IFI27L1: variants seen among roughly 807,000 people sequenced by gnomAD.
IFI27L1 encodes the protein interferon alpha-inducible protein 27-like protein 1.
Under a neutral mutation model 9.2 loss-of-function variants are expected in IFI27L1, and 3 were observed. The observed-to-expected ratio is 0.32, with a 90% CI of 0.15 to 0.84. IFI27L1 has a LOEUF of 0.84. Among genes scored for constraint, IFI27L1 ranks in the 40% least tolerant of loss-of-function variants. IFI27L1 has a pLI of 0.56. For missense variants in IFI27L1, 133 were observed against 134.2 expected (o/e 0.99, Z 0.05); for synonymous variants, 53 against 50.0 (o/e 1.06, Z -0.26).
At chr14:94,084,032 T>C (rs992704685) in intron 1 of IFI27L1, among the ~76,000 whole-genome samples, 1 of 152,192 alleles carries the variant, frequency 6.6e-6, no homozygotes, top group Non-Finnish European at 1.5e-5. Flanking sequence ...GTTTCCATTA[T>C]AGTAGTGGAA....
intron 1 of IFI27L1, chr14:94,088,943 C>G (rs1793450213): frequency 6.6e-6 from 1 of 152,128 alleles, no homozygotes. Context: ...CAGTATGTCA[C>G]TTGTCTCTTA....
At chr14:94,087,033 A>AGGATGTAAAGGAAGACAAAG (rs1886303725) in intron 1 of IFI27L1, among the ~76,000 whole-genome samples, 3 of 152,338 alleles carry the variant, frequency 2.0e-5, no homozygotes, top group African/African-American at 7.2e-5. Flanking sequence ...TACATATTCA[A>AGGATGTAAAGGAAGACAAAG]GGATGTAAAG....
chr14:94,096,423 C>T (rs1886666250), intron 1 of IFI27L1, among the ~76,000 whole-genome samples: 1 of 152,190 alleles, frequency 6.6e-6, no homozygotes, highest in South Asian at 2.1e-4. Context: ...CAGCCGGGTG[C>T]AGTGGCTCAC....
In IFI27L1 at chr14:94,101,883, C is replaced by T; in HGVS notation, c.131C>T (p.Ser44Phe). The change falls in exon 4 of 5, where the codon TCC (serine) becomes TTC (phenylalanine). Residue 44 changes from serine to phenylalanine, a missense_variant. Ser to Phe is a radical substitution (Grantham distance 155). Transcript: ENST00000555523. The part of the protein sequence containing the change: ...MGFTSVGIAA[S>F]SIAAKMMSTA... ...TTCACCTCAGTAGGAATCGCCGCAT[C>T]CTCCATAGCAGCCAAGATGATGTCT... is the stretch of plus-strand genomic sequence containing the variant. The T allele has an allele frequency of 6.2e-7, 1 of 1,614,246 alleles. No individual in the cohort carries two copies. The highest frequency in any genetic ancestry group is 8.5e-7 in the Non-Finnish European group (1 of 1,180,040).
At chr14:94,097,792 AG>A (rs1886728959) in intron 2 of IFI27L1, 1 of 661,906 alleles carries the variant, frequency 1.5e-6, no homozygotes, top group African/African-American at 1.8e-5. Context: ...CCCTTTACAG[AG>A]GCTGGGCAGC....
chr14:94,088,286 C>T (rs1318284817), intron 1 of IFI27L1: 1 of 702,348 alleles, frequency 1.4e-6, no homozygotes, highest in Admixed American at 2.0e-5. Flanking sequence ...TCTTACGTTA[C>T]TATGCGAGAT....
rs2139278085 is a variant in IFI27L1 at position 94,102,671 on chromosome 14, T to C, written c.*103T>C. 1.7e-6 allele frequency: 1 copy of C among 593,478 alleles called. No homozygotes were observed. Among genetic ancestry groups the C allele is most frequent in the Non-Finnish European group, 2.9e-6 (1 of 350,402 alleles). 36.8% of individuals were successfully genotyped at this position (593,478 alleles called of 1,614,324 possible). A position where few individuals can be genotyped will look rare whatever the true frequency, so the allele number is the denominator to read the frequency against. On this transcript the variant is annotated 3_prime_UTR_variant, in exon 5 of 5. Coordinates refer to ENST00000555523, the MANE Select transcript of IFI27L1 (RefSeq NM_206949.3). Reference sequence around the variant, plus strand: ...GACAAGTCTCCTACTCCCAAAACTATTTAAGGAAGCATGAAAAATAAAGAT... The same window carrying C: ...GACAAGTCTCCTACTCCCAAAACTACTTAAGGAAGCATGAAAAATAAAGAT...
In IFI27L1 at chr14:94,093,215, G is replaced by C. The variant is rs1030222267; in HGVS notation, c.-51-3672G>C. Reference sequence around the variant, plus strand: ...GGAGTCTTGCTCTGTCACCCAGGCTGGAGTGCAGTGGCATCATCTCAGCTC... The same window carrying C: ...GGAGTCTTGCTCTGTCACCCAGGCTCGAGTGCAGTGGCATCATCTCAGCTC... On this transcript the variant is annotated intron_variant, in intron 1 of 4. Coordinates refer to ENST00000555523, the MANE Select transcript of IFI27L1 (RefSeq NM_206949.3). Among the ~76,000 whole-genome samples, 29 of 134,374 alleles carry C rather than the reference G, an allele frequency of 2.2e-4. No homozygotes were observed. In the Admixed American group the frequency reaches 2.3e-3, roughly 11 times the overall value. The allele number at this position is 134,374 out of a possible 152,430, so 88.2% of individuals were successfully genotyped here. A position where few individuals can be genotyped will look rare whatever the true frequency, so the allele number is the denominator to read the frequency against.
At position 94,096,944 on chromosome 14, in the gene IFI27L1, AAGG is replaced by A; in HGVS notation, c.10_12del (p.Glu4del). 1.9e-6 allele frequency: 3 copies of A among 1,613,720 alleles called. No homozygotes were observed. The highest frequency in any genetic ancestry group is 2.5e-6 in the Non-Finnish European group (3 of 1,179,766). On this transcript the variant is annotated inframe_deletion, in exon 2 of 5. Coordinates refer to ENST00000555523, the MANE Select transcript of IFI27L1 (RefSeq NM_206949.3). ...CGAGGCGAAGGGGCCAACCATGGGAAAGGAGAGTGGATGGGACTCAGGTGGGTA... is the reference window on the plus strand; with the variant it reads ...CGAGGCGAAGGGGCCAACCATGGGAAAGAGTGGATGGGACTCAGGTGGGTA...
chr14:94,087,738 T>C, intron 1 of IFI27L1, among the ~76,000 whole-genome samples: 1 of 152,210 alleles, frequency 6.6e-6, no homozygotes, highest in African/African-American at 2.4e-5. Context: ...TTGTCGTTTT[T>C]TTTTTTAACA....
At chr14:94,100,486 A>G (rs1230013534) in intron 2 of IFI27L1, 2 of 985,236 alleles carry the variant, frequency 2.0e-6, no homozygotes, top group African/African-American at 1.7e-5. Context: ...CAGGGGGCCC[A>G]GCCACAAGGC....
At chr14:94,081,508 C>A (rs368971123) in intron 1 of IFI27L1, 59 bp downstream of exon 1, 16 of 152,818 alleles carry the variant, frequency 1.0e-4, no homozygotes, top group African/African-American at 3.6e-4. Flanking sequence ...TCGATCCAGA[C>A]CCCAAGAGAG....
intron 2 of IFI27L1, among the ~76,000 whole-genome samples, chr14:94,098,966 G>A (rs1045430910): frequency 2.6e-5 from 4 of 152,212 alleles, no homozygotes; most frequent in African/African-American, 4.8e-5. Flanking sequence ...GTGCCATTCT[G>A]CCTTTCCCTG....
At chr14:94,097,656 G>T (rs754458004) in intron 2 of IFI27L1, 1 of 702,284 alleles carries the variant, frequency 1.4e-6, no homozygotes, top group Non-Finnish European at 2.6e-6. Flanking sequence ...TATGAGGGAT[G>T]GTCAGACTGG....
intron 1 of IFI27L1, among the ~76,000 whole-genome samples, chr14:94,092,083 A>G (rs1164971586): frequency 6.6e-6 from 1 of 151,664 alleles, no homozygotes; most frequent in Non-Finnish European, 1.5e-5. Context: ...CCGAGATTGC[A>G]CCACTGCACT....
At chr14:94,094,408 C>G (rs371132481) in intron 1 of IFI27L1, among the ~76,000 whole-genome samples, 1 of 152,098 alleles carries the variant, frequency 6.6e-6, no homozygotes, top group Non-Finnish European at 1.5e-5. Flanking sequence ...GTTGCTGCAA[C>G]GGGTGGGTCT....
chr14:94,101,725 C>A, intron 3 of IFI27L1, 89 bp from the exon 4 acceptor site: 2 of 1,370,638 alleles, frequency 1.5e-6, no homozygotes, highest in Admixed American at 1.7e-5. Context: ...GCACAGCAGA[C>A]CCCTCCTCCT....
rs370886948 is a variant in IFI27L1 at position 94,101,837 on chromosome 14, G to A, written c.85G>A (p.Val29Met). The A allele has an allele frequency of 4.3e-6, 7 of 1,614,122 alleles. No homozygotes were observed. In the African/African-American group the frequency reaches 6.7e-5, roughly 15 times the overall value. Reference sequence around the variant, plus strand: ...AGTTGTGGCTGTGGGGACTGTGCTCGTGGCGCTCAGTGCCATGGGCTTCAC... The same window carrying A: ...AGTTGTGGCTGTGGGGACTGTGCTCATGGCGCTCAGTGCCATGGGCTTCAC... ...GGVVAVGTVLVALSAMGFTSV... is the reference protein window; with the variant it reads ...GGVVAVGTVLMALSAMGFTSV... The change falls in exon 4 of 5, where the codon GTG becomes ATG. Residue 29 changes from valine to methionine, a missense_variant. Transcript: ENST00000555523.
intron 2 of IFI27L1, 58 bp downstream of exon 2, chr14:94,097,023 T>C (rs1253265951): frequency 1.5e-5 from 21 of 1,431,146 alleles, no homozygotes; most frequent in East Asian, 2.3e-5. Flanking sequence ...ATGCACTTTG[T>C]GTCCCACTCT....
Sources: allele counts gnomAD v4.1 joint callset (sites outside exome capture counted in the v4.1 genomes callset), GRCh38; gene constraint gnomAD v4.1.1; transcripts MANE v1.5; gene names NCBI Gene and HGNC (gene_info 2026-07-23, HGNC 2026-07-21).